TXN2: variants seen among roughly 807,000 people sequenced by gnomAD.
TXN2 encodes the protein thioredoxin 2, also known as thioredoxin, mitochondrial.
In TXN2, 12 loss-of-function variants were observed where a neutral mutation model predicts 14.6. The observed-to-expected ratio is 0.82, with a 90% confidence interval of 0.53 to 1.33. The LOEUF (loss-of-function observed/expected upper bound fraction) is 1.33. TXN2 is among the 40% of genes most tolerant of loss of function. The pLI is 0.00. For synonymous variants in TXN2, 89 were observed against 81.0 expected (o/e 1.10, Z -0.53); for missense variants, 173 against 207.7 (o/e 0.83, Z 1.03).
intron 3 of TXN2, among the ~76,000 whole-genome samples, chr22:36,473,358 G>T (rs554216781): frequency 6.6e-6 from 1 of 152,156 alleles, no homozygotes; most frequent in Non-Finnish European, 1.5e-5. Flanking sequence ...CAGGAGAATC[G>T]CTTGAACCTG....
At chr22:36,471,961 C>T (rs936736684) in intron 3 of TXN2, among the ~76,000 whole-genome samples, 22 of 133,472 alleles carry the variant, frequency 1.6e-4, no homozygotes, top group African/African-American at 5.6e-4. Context: ...AAGAGTGAGA[C>T]CCCCTCTAAA....
At chr22:36,475,249 G>C (rs946316928) in intron 3 of TXN2, among the ~76,000 whole-genome samples, 1 of 152,088 alleles carries the variant, frequency 6.6e-6, no homozygotes, top group Admixed American at 6.6e-5. Flanking sequence ...GTGGTGGCGC[G>C]TGCCTGTAAT....
At chr22:36,479,922 GC>G (rs771234390) in intron 2 of TXN2, among the ~76,000 whole-genome samples, 31 of 122,030 alleles carry the variant, frequency 2.5e-4, no homozygotes, top group Non-Finnish European at 4.6e-4. Flanking sequence ...CACTCTTTTT[GC>G]CCAGGCTGGA....
At chr22:36,480,527 T>C (rs970293386) in intron 2 of TXN2, 48 bp downstream of exon 2, 1 of 1,587,908 alleles carries the variant, frequency 6.3e-7, no homozygotes, top group South Asian at 1.2e-5. Flanking sequence ...ATTCAATAAA[T>C]ACTTGAACAA....
intron 3 of TXN2, among the ~76,000 whole-genome samples, chr22:36,474,544 G>A (rs747261680): frequency 6.6e-5 from 10 of 152,192 alleles, no homozygotes; most frequent in Non-Finnish European, 2.9e-5. Context: ...ACCTGGAGGA[G>A]GAAGGAGGGA....
At chr22:36,468,640 G>A (rs12158096) in intron 3 of TXN2, 53,530 of 448,382 alleles carry the variant, frequency 0.12, 4,049 homozygotes, top group African/African-American at 0.21. Flanking sequence ...CAGGAGGATC[G>A]CTTGAGCCTG....
intron 3 of TXN2, among the ~76,000 whole-genome samples, chr22:36,473,337 G>C (rs1409329674): frequency 6.6e-6 from 1 of 152,186 alleles, no homozygotes; most frequent in Non-Finnish European, 1.5e-5. Flanking sequence ...CAGCTACTCG[G>C]GAGGCTGAGG....
chr22:36,476,804 T>C lies in TXN2; in HGVS notation c.316A>G (p.Lys106Glu), dbSNP rs779471189. Residue 106 changes from lysine (K) to glutamate (E), a missense_variant, in exon 3 of 4, where the codon AAG becomes GAG. Coordinates refer to ENST00000216185, the MANE Select transcript of TXN2 (RefSeq NM_012473.4). ...GCCATCACCACCTTCCCGTGCTGCT[T>C]GGCCACCATCTTCTCTAACCTCGGC... ...LGPRLEKMVA[K>E]QHGKVVMAKV... is the part of the protein sequence containing the mutation. 6.2e-7 allele frequency: 1 copy of C among 1,614,184 alleles called. No individual in the cohort carries two copies. The highest frequency in any genetic ancestry group is 2.2e-5 in the East Asian group (1 of 44,884).
chr22:36,472,486 C>T (rs939926987), intron 3 of TXN2, among the ~76,000 whole-genome samples: 3 of 152,042 alleles, frequency 2.0e-5, no homozygotes, highest in African/African-American at 4.8e-5. Context: ...ACAAATGGAC[C>T]ACCCTGGTAT....
intron 1 of TXN2, 51 bp downstream of exon 1, chr22:36,481,513 G>C (rs1224320759): frequency 2.3e-5 from 22 of 946,348 alleles, no homozygotes; most frequent in Non-Finnish European, 2.8e-5. Context: ...ACGCGCTCGC[G>C]GCATGCCTCA....
chr22:36,477,230 C>T (rs571860978), intron 2 of TXN2, among the ~76,000 whole-genome samples: 25 of 152,116 alleles, frequency 1.6e-4, no homozygotes, highest in South Asian at 6.2e-4. Context: ...TTTTTTGAGA[C>T]GGAGTCTCGC....
chr22:36,477,874 C>T (rs1210703481), intron 2 of TXN2, among the ~76,000 whole-genome samples: 1 of 152,092 alleles, frequency 6.6e-6, no homozygotes, highest in Non-Finnish European at 1.5e-5. Flanking sequence ...CGGTGACCCA[C>T]GCCTATAATT....
At chr22:36,471,369 C>T (rs969126116) in intron 3 of TXN2, among the ~76,000 whole-genome samples, 2 of 152,178 alleles carry the variant, frequency 1.3e-5, no homozygotes, top group African/African-American at 2.4e-5. Flanking sequence ...AGCTCGCCTG[C>T]ACCGCCACTG....
At chr22:36,481,511 G>C in intron 1 of TXN2, 53 bp downstream of exon 1, 4 of 942,350 alleles carry the variant, frequency 4.2e-6, no homozygotes, top group Non-Finnish European at 5.1e-6. Context: ...GAACGCGCTC[G>C]CGGCATGCCT....
rs199505994 is a variant in TXN2 at position 36,476,708 on chromosome 22, G to A, written c.387+25C>T. On this transcript the variant is annotated intron_variant, in intron 3 of 3. Coordinates refer to ENST00000216185, the MANE Select transcript of TXN2 (RefSeq NM_012473.4). ...TGACACCTCCTATACTGGCTTCCCTGTGGCAACTCCCTGTCAATCCATACC... is the reference window on the plus strand; with the variant it reads ...TGACACCTCCTATACTGGCTTCCCTATGGCAACTCCCTGTCAATCCATACC... The A allele has an allele frequency of 2.5e-4, 399 of 1,613,954 alleles. 2 individuals are homozygous for A. The African/African-American group carries it at 4.7e-3, about 19-fold the overall frequency.
intron 3 of TXN2, among the ~76,000 whole-genome samples, chr22:36,469,953 TC>T (rs35394198): frequency 6.6e-6 from 1 of 151,570 alleles, no homozygotes; most frequent in South Asian, 2.1e-4. Context: ...AAGACTCTGT[TC>T]CCCCCCTCAA....
At chr22:36,474,472 T>TA (rs1483410510) in intron 3 of TXN2, among the ~76,000 whole-genome samples, 1 of 152,134 alleles carries the variant, frequency 6.6e-6, no homozygotes, top group East Asian at 1.9e-4. Context: ...GCTGGTCTAG[T>TA]AAGAGTGAAA....
Position 36,476,878 on chromosome 22 carries a change from C to G in TXN2, c.264-22G>C, listed in dbSNP as rs1247447364. On this transcript the variant is annotated intron_variant, in intron 2 of 3. Coordinates refer to ENST00000216185, the MANE Select transcript of TXN2 (RefSeq NM_012473.4). ...CCACCTCAAAAGGCGAGAAAGGAAGCATCCAGTCAGTCAAAAGAGCGCTCA... is the reference window on the plus strand; with the variant it reads ...CCACCTCAAAAGGCGAGAAAGGAAGGATCCAGTCAGTCAAAAGAGCGCTCA... The G allele has an allele frequency of 5.0e-6, 8 of 1,613,956 alleles. No homozygotes were observed. In the Admixed American group the frequency reaches 5.0e-5, roughly 10 times the overall value.
chr22:36,468,399 T>C (rs573417043), intron 3 of TXN2, among the ~76,000 whole-genome samples: 7 of 152,306 alleles, frequency 4.6e-5, no homozygotes, highest in South Asian at 2.1e-4. Context: ...GGGGGTAATG[T>C]CTACCTTTAG....
Sources: gnomAD v4.1 joint callset for allele counts (sites outside exome capture counted in the v4.1 genomes callset) on GRCh38, gnomAD v4.1.1 for gene constraint, MANE v1.5 for transcripts, NCBI Gene and HGNC (gene_info 2026-07-23, HGNC 2026-07-21) for gene names.